Variants in TAFA1 observed in about 807,000 individuals in gnomAD.
The protein encoded by TAFA1 is TAFA chemokine like family member 1, also known as chemokine-like protein TAFA-1.
Under a neutral mutation model 18.5 loss-of-function variants are expected in TAFA1, and 4 were observed. The ratio of observed to expected loss-of-function variants is 0.22; its 90% CI spans 0.11 to 0.49. The LOEUF (loss-of-function observed/expected upper bound fraction) is 0.49, where lower values mean the gene tolerates loss of function less well. Among genes scored for constraint, TAFA1 ranks in the 20% least tolerant of loss-of-function variants. TAFA1 has a pLI of 0.98. For missense variants in TAFA1, 147 were observed against 169.0 expected, an observed-to-expected ratio of 0.87 and a Z score of 0.72; for synonymous variants, 56 against 55.2, an observed-to-expected ratio of 1.01 and a Z score of -0.06.
intron 2 of TAFA1, among the ~76,000 whole-genome samples, chr3:68,089,946 C>G (rs1386647688): frequency 6.6e-6 from 1 of 152,196 alleles, no homozygotes; most frequent in East Asian, 1.9e-4. Context: ...ATGAAATTGG[C>G]TGGCTGACCT....
chr3:68,063,043 G>C (rs2064625558), intron 2 of TAFA1, among the ~76,000 whole-genome samples: 1 of 152,148 alleles, frequency 6.6e-6, no homozygotes, highest in Admixed American at 6.6e-5. Flanking sequence ...ATGGGACACT[G>C]TATCCAGATT....
chr3:68,378,755 C>T (rs545040862), intron 2 of TAFA1, among the ~76,000 whole-genome samples: 1 of 152,214 alleles, frequency 6.6e-6, no homozygotes, highest in Non-Finnish European at 1.5e-5. Context: ...GAGGTTTTCG[C>T]CATGCTGTTC....
At chr3:68,115,244 A>G (rs2065311139) in intron 2 of TAFA1, among the ~76,000 whole-genome samples, 1 of 152,192 alleles carries the variant, frequency 6.6e-6, no homozygotes, top group South Asian at 2.1e-4. Context: ...TTATGCACTT[A>G]CTGTTAGCAT....
At chr3:68,006,808 G>T (rs561500227) in intron 2 of TAFA1, 64 bp downstream of exon 2, 7 of 1,174,218 alleles carry the variant, frequency 6.0e-6, no homozygotes, top group African/African-American at 4.5e-5. Context: ...TTAACAGATG[G>T]TTGAATGCAA....
intron 2 of TAFA1, among the ~76,000 whole-genome samples, chr3:68,323,288 C>A (rs2068722288): frequency 6.6e-6 from 1 of 152,128 alleles, no homozygotes; most frequent in Admixed American, 6.5e-5. Context: ...TTAGCTGCCA[C>A]CTGCAGACCT....
chr3:68,022,721 T>A (rs78218876), intron 2 of TAFA1, among the ~76,000 whole-genome samples: 146,358 of 150,486 alleles, frequency 0.97, 71,194 homozygotes, highest in African/African-American at 0.99. Flanking sequence ...GAATTAATGC[T>A]TGTAAATGCA....
chr3:68,390,373 A>C (rs1406057152), intron 2 of TAFA1, among the ~76,000 whole-genome samples: 1 of 152,116 alleles, frequency 6.6e-6, no homozygotes, highest in Non-Finnish European at 1.5e-5. Flanking sequence ...TTATATATAA[A>C]ACTCCCATCT....
At chr3:68,428,406 T>G (rs1224727593) in intron 3 of TAFA1, among the ~76,000 whole-genome samples, 2 of 151,942 alleles carry the variant, frequency 1.3e-5, no homozygotes, top group Non-Finnish European at 2.9e-5. Flanking sequence ...TATTGCACAT[T>G]GATTTTCCAA....
intron 2 of TAFA1, among the ~76,000 whole-genome samples, chr3:68,307,564 C>T (rs1205384725): frequency 6.6e-6 from 1 of 152,044 alleles, no homozygotes; most frequent in East Asian, 1.9e-4. Context: ...TGGCTTTGTC[C>T]AGTTCTTATT....
At chr3:68,190,189 A>G (rs927434228) in intron 2 of TAFA1, among the ~76,000 whole-genome samples, 13 of 151,826 alleles carry the variant, frequency 8.6e-5, no homozygotes, top group African/African-American at 2.7e-4. Flanking sequence ...ATTGTCAGTC[A>G]CCAAAACTTC....
chr3:68,195,856 C>T (rs1340005129), intron 2 of TAFA1, among the ~76,000 whole-genome samples: 1 of 151,676 alleles, frequency 6.6e-6, no homozygotes, highest in Non-Finnish European at 1.5e-5. Flanking sequence ...TTTCCTTTAA[C>T]TCTCAGCACC....
At chr3:68,078,285 A>G (rs930818072) in intron 2 of TAFA1, among the ~76,000 whole-genome samples, 9 of 151,290 alleles carry the variant, frequency 5.9e-5, no homozygotes, top group African/African-American at 2.2e-4. Flanking sequence ...CTCTTTTCCT[A>G]ATTGAATACC....
At chr3:68,297,456 C>T (rs1168924658) in intron 2 of TAFA1, among the ~76,000 whole-genome samples, 1 of 152,132 alleles carries the variant, frequency 6.6e-6, no homozygotes, top group Non-Finnish European at 1.5e-5. Context: ...ACCACAGCTA[C>T]CCCCAACCCC....
chr3:68,335,064 A>G (rs539519493), intron 2 of TAFA1, among the ~76,000 whole-genome samples: 1 of 152,352 alleles, frequency 6.6e-6, no homozygotes, highest in African/African-American at 2.4e-5. Flanking sequence ...ATGGAGTTTT[A>G]TCATGTGACC....
chr3:68,511,520 T>G (rs2072846100), intron 3 of TAFA1, among the ~76,000 whole-genome samples: 2 of 152,120 alleles, frequency 1.3e-5, no homozygotes, highest in Admixed American at 6.6e-5. Flanking sequence ...GACAATCCAG[T>G]GTGAACTGGG....
chr3:68,408,870 G>C (rs1231475903), intron 2 of TAFA1, among the ~76,000 whole-genome samples: 1 of 152,116 alleles, frequency 6.6e-6, no homozygotes, highest in Non-Finnish European at 1.5e-5. Context: ...AGTCTTTGAG[G>C]AAAAGTTTCA....
At chr3:68,502,642 AT>A (rs1559696572) in intron 3 of TAFA1, among the ~76,000 whole-genome samples, 1 of 151,688 alleles carries the variant, frequency 6.6e-6, no homozygotes. Flanking sequence ...CTGCTTGCCT[AT>A]TCCCCCCTGA....
At chr3:68,535,377 T>G (rs1324204008) in intron 3 of TAFA1, among the ~76,000 whole-genome samples, 1 of 146,682 alleles carries the variant, frequency 6.8e-6, no homozygotes. Flanking sequence ...AGCACTGCCA[T>G]CAAAAAGAAA....
intron 2 of TAFA1, among the ~76,000 whole-genome samples, chr3:68,104,041 C>T (rs2065178722): frequency 6.6e-6 from 1 of 152,094 alleles, no homozygotes; most frequent in African/African-American, 2.4e-5. Flanking sequence ...TATGTGTCTC[C>T]AGTGCATCAC....
Sources: gnomAD v4.1 joint callset for allele counts (sites outside exome capture counted in the v4.1 genomes callset) on GRCh38, gnomAD v4.1.1 for gene constraint, MANE v1.5 for transcripts, NCBI Gene and HGNC (gene_info 2026-07-23, HGNC 2026-07-21) for gene names.